Variants in DHRSX observed in about 807,000 individuals in gnomAD.
DHRSX encodes dehydrogenase/reductase X-linked.
A neutral mutation model predicts 34.0 loss-of-function variants in DHRSX; 31 were observed. The observed-to-expected ratio is 0.91, with a 90% confidence interval of 0.69 to 1.23. The LOEUF (loss-of-function observed/expected upper bound fraction) is 1.23. DHRSX is among the 50% of genes most tolerant of loss of function. DHRSX has a pLI of 0.00. For missense variants in DHRSX, 414 were observed against 428.1 expected (o/e 0.97, Z 0.29); for synonymous variants, 201 against 183.8 (o/e 1.09, Z -0.76).
chrX:2,310,233 A>G (rs2042146422), intron 3 of DHRSX, among the ~76,000 whole-genome samples: 1 of 152,112 alleles, frequency 6.6e-6, no homozygotes, highest in Non-Finnish European at 1.5e-5. Context: ...CAAAGTCTTG[A>G]GCAGGGACGA....
At chrX:2,483,455 G>C (rs2044804857) in intron 1 of DHRSX, among the ~76,000 whole-genome samples, 1 of 151,994 alleles carries the variant, frequency 6.6e-6, no homozygotes, top group South Asian at 2.1e-4. Context: ...TTTTAGTAGG[G>C]ATGAGGTTTG....
chrX:2,265,704 C>T (rs1163756757), intron 5 of DHRSX, among the ~76,000 whole-genome samples: 1 of 144,298 alleles, frequency 6.9e-6, no homozygotes, highest in Non-Finnish European at 1.5e-5. Flanking sequence ...GAGCACTGTC[C>T]CCAGAGCACC....
intron 1 of DHRSX, among the ~76,000 whole-genome samples, chrX:2,457,021 G>A (rs1179079777): frequency 2.6e-5 from 4 of 152,084 alleles, no homozygotes; most frequent in Admixed American, 6.6e-5. Context: ...AGAGGAGCAG[G>A]CTGGCTGTGT....
At chrX:2,451,501 C>T (rs778142466) in intron 1 of DHRSX, among the ~76,000 whole-genome samples, 17 of 152,284 alleles carry the variant, frequency 1.1e-4, no homozygotes, top group African/African-American at 3.8e-4. Flanking sequence ...CAAATGAAGC[C>T]TTGGCTGTGA....
intron 1 of DHRSX, among the ~76,000 whole-genome samples, chrX:2,445,762 T>G (rs1460806931): frequency 6.6e-6 from 1 of 150,932 alleles, no homozygotes; most frequent in African/African-American, 2.4e-5. Flanking sequence ...CTGAAAACAT[T>G]CCCTAAGAAT....
intron 3 of DHRSX, among the ~76,000 whole-genome samples, chrX:2,355,922 C>G (rs1386631268): frequency 1.3e-5 from 2 of 151,112 alleles, no homozygotes; most frequent in African/African-American, 4.9e-5. Flanking sequence ...AAAATGTAGC[C>G]AGGTGTGGTG....
In DHRSX at chrX:2,331,356, G is replaced by A. The variant is rs189310969; in HGVS notation, c.287-39753C>T. On this transcript the variant is annotated intron_variant, in intron 3 of 6. Transcript: ENST00000334651. ...CTTTTTCCCGATTTCTGTTAATGTG[G>A]ATATCTTAACTTCCTGCCATGAATC... 7.5e-3 allele frequency among the ~76,000 whole-genome samples: 1,134 copies of A among 150,330 alleles called. 8 individuals are homozygous for A. The highest frequency in any genetic ancestry group is 0.01 in the Non-Finnish European group (708 of 67,746).
At chrX:2,274,766 C>T (rs1016848772) in intron 4 of DHRSX, among the ~76,000 whole-genome samples, 3 of 152,046 alleles carry the variant, frequency 2.0e-5, no homozygotes, top group Admixed American at 2.0e-4. Flanking sequence ...GTCACGGAGA[C>T]GTTTCTAGGC....
At chrX:2,409,576 T>C (rs1323619327) in intron 2 of DHRSX, among the ~76,000 whole-genome samples, 1 of 152,084 alleles carries the variant, frequency 6.6e-6, no homozygotes, top group African/African-American at 2.4e-5. Context: ...GATTTCTTAC[T>C]CCTCTCACTG....
chrX:2,263,889 G>A (rs900555349), intron 5 of DHRSX, among the ~76,000 whole-genome samples: 88 of 152,276 alleles, frequency 5.8e-4, no homozygotes, highest in African/African-American at 2.1e-3. Flanking sequence ...TCCTTAAGGC[G>A]GGGTTAGGAG....
At chrX:2,444,108 C>T (rs1172820452) in intron 1 of DHRSX, among the ~76,000 whole-genome samples, 1 of 151,918 alleles carries the variant, frequency 6.6e-6, no homozygotes, top group Non-Finnish European at 1.5e-5. Context: ...TCACCGTTTT[C>T]CCTCTAAAAA....
intron 3 of DHRSX, among the ~76,000 whole-genome samples, chrX:2,349,507 G>T (rs1204072188): frequency 2.0e-5 from 3 of 151,540 alleles, no homozygotes; most frequent in Non-Finnish European, 4.4e-5. Context: ...CCAACATGGT[G>T]AAACCCCGTG....
Position 2,360,009 on chromosome X carries a change from C to T in DHRSX, c.286+48736G>A, listed in dbSNP as rs141512252. Among the ~76,000 whole-genome samples, 382 of 152,100 alleles carry T rather than the reference C, an allele frequency of 2.5e-3. 1 individual carries two copies. Among genetic ancestry groups the T allele is most frequent in the Non-Finnish European group, 4.0e-3 (275 of 68,012 alleles). ...GGTGATGAAATAATCATACAACAAA[C>T]CCCCATGACACGAGTTTACCTATGT... On this transcript the variant is annotated intron_variant, in intron 3 of 6. Coordinates refer to ENST00000334651, the MANE Select transcript of DHRSX (RefSeq NM_145177.3).
chrX:2,305,095 A>C (rs925639397), intron 3 of DHRSX, among the ~76,000 whole-genome samples: 2 of 152,082 alleles, frequency 1.3e-5, no homozygotes, highest in African/African-American at 4.8e-5. Flanking sequence ...TTGGCAAACT[A>C]ATGCAGGAAC....
chrX:2,376,041 A>G (rs1184342617), intron 3 of DHRSX, among the ~76,000 whole-genome samples: 1 of 137,068 alleles, frequency 7.3e-6, no homozygotes, highest in Non-Finnish European at 1.7e-5. Context: ...TATTTTGACC[A>G]AAACAGTAAT....
chrX:2,378,310 G>A (rs913706726), intron 3 of DHRSX, among the ~76,000 whole-genome samples: 4 of 152,130 alleles, frequency 2.6e-5, no homozygotes, highest in African/African-American at 7.2e-5. Flanking sequence ...GAATTGTGTC[G>A]CAGCAGCTCC....
chrX:2,404,857 C>T (rs1452891260), intron 3 of DHRSX, among the ~76,000 whole-genome samples: 14 of 152,200 alleles, frequency 9.2e-5, no homozygotes, highest in Admixed American at 3.9e-4. Context: ...CTCAACCCCT[C>T]GGTGTCTCTA....
intron 3 of DHRSX, among the ~76,000 whole-genome samples, chrX:2,312,620 T>G: frequency 6.6e-6 from 1 of 152,146 alleles, no homozygotes; most frequent in East Asian, 1.9e-4. Flanking sequence ...AAATACCTAA[T>G]GTAGATGATG....
At chrX:2,416,210 C>T (rs2043691268) in intron 2 of DHRSX, among the ~76,000 whole-genome samples, 1 of 151,816 alleles carries the variant, frequency 6.6e-6, no homozygotes, top group African/African-American at 2.4e-5. Flanking sequence ...TAAGTCTCAT[C>T]ATGACCAATC....
Sources: allele counts gnomAD v4.1 joint callset (sites outside exome capture counted in the v4.1 genomes callset), GRCh38; gene constraint gnomAD v4.1.1; transcripts MANE v1.5; gene names NCBI Gene and HGNC (gene_info 2026-07-23, HGNC 2026-07-21).